Variants in CASD1 observed in about 807,000 individuals in gnomAD.
CASD1 encodes the protein CAS1 domain sialic acid O acetyltransferase 1, also known as N-acetylneuraminate (7)9-O-acetyltransferase.
In CASD1, 41 loss-of-function variants were observed where a neutral mutation model predicts 100.0. That is an observed-to-expected ratio of 0.41 (90% CI 0.32 to 0.53). The LOEUF (loss-of-function observed/expected upper bound fraction) is 0.53, where lower values mean the gene tolerates loss of function less well. Ranked by LOEUF, CASD1 falls within the 20% of genes least tolerant of loss-of-function variation. CASD1 has a pLI of 0.25. For synonymous variants in CASD1, 321 were observed against 315.6 expected, an observed-to-expected ratio of 1.02 and a Z score of -0.18; for missense variants, 774 against 948.7, an observed-to-expected ratio of 0.82 and a Z score of 2.42.
the CASD1 span, chr7:94,588,525 T>C: frequency 6.9e-7 from 1 of 1,454,716 alleles, no homozygotes; most frequent in Non-Finnish European, 9.0e-7. Context: ...ATCTATGTAA[T>C]AATCTAAGCT....
intron 5 of CASD1, among the ~76,000 whole-genome samples, chr7:94,530,037 G>A (rs1056048159): frequency 6.6e-5 from 10 of 152,066 alleles, no homozygotes; most frequent in Admixed American, 1.3e-4. Context: ...ACTGGTTAAC[G>A]TTATAGAGAT....
the CASD1 span, chr7:94,629,381 A>T: frequency 4.4e-6 from 1 of 229,722 alleles, no homozygotes; most frequent in South Asian, 5.9e-5. Flanking sequence ...GTTTTCCAAA[A>T]ATCAATGTAC....
the CASD1 span, among the ~76,000 whole-genome samples, chr7:94,571,411 G>T: frequency 6.6e-6 from 1 of 152,070 alleles, no homozygotes; most frequent in Non-Finnish European, 1.5e-5. Flanking sequence ...GACAGGTTCC[G>T]CACTGCCCCC....
chr7:94,603,880 T>C, the CASD1 span, among the ~76,000 whole-genome samples: 1 of 152,120 alleles, frequency 6.6e-6, no homozygotes, highest in African/African-American at 2.4e-5. Flanking sequence ...TTTCACTTAA[T>C]TTTCTTGTAA....
chr7:94,616,354 C>A, the CASD1 span, among the ~76,000 whole-genome samples: 1 of 152,114 alleles, frequency 6.6e-6, no homozygotes, highest in African/African-American at 2.4e-5. Flanking sequence ...AGATCTTTTT[C>A]TTAAATCTGG....
At chr7:94,555,454 C>T in intron 17 of CASD1, 38 bp from the exon 18 acceptor site, 1 of 1,577,788 alleles carries the variant, frequency 6.3e-7, no homozygotes, top group Non-Finnish European at 8.6e-7. Flanking sequence ...ATTCATGGAC[C>T]CTCTATAAAT....
At chr7:94,548,152 A>T (rs564192908) in intron 13 of CASD1, among the ~76,000 whole-genome samples, 200 of 151,952 alleles carry the variant, frequency 1.3e-3, no homozygotes, top group African/African-American at 4.7e-3. Context: ...TGCTGAGGGA[A>T]AGAAAGAAAA....
rs371566572 is a variant in CASD1, at chr7:94,555,592, T to C, written c.2228T>C (p.Phe743Ser). Residue 743 changes from phenylalanine to serine, a missense_variant, in exon 18 of 18, where the codon TTC becomes TCC. Transcript: ENST00000297273. The stretch of plus-strand genomic sequence containing the variant: ...ATGCTCAACATCATTGTCAGCACTT[T>C]CATATTTGTTTGTGTGGCACATGAA... ...NPMLNIIVST[F>S]IFVCVAHEIS... 1.2e-5 allele frequency: 20 copies of C among 1,613,466 alleles called. No homozygotes were observed. The highest frequency in any genetic ancestry group is 3.3e-5 in the South Asian group (3 of 91,080).
rs887252651 is a variant in CASD1, at chr7:94,555,863, G to A, written c.*105G>A. On this transcript the variant is annotated 3_prime_UTR_variant, in exon 18 of 18. Transcript: ENST00000297273. Reference sequence around the variant, plus strand: ...TATAAATGTGTATGTAAATATAAACGTTTGTGGCAAGAGGACAGTTCTGTG... The same window carrying A: ...TATAAATGTGTATGTAAATATAAACATTTGTGGCAAGAGGACAGTTCTGTG... The A allele has an allele frequency of 2.1e-5, 25 of 1,202,326 alleles. No homozygotes were observed. The highest frequency in any genetic ancestry group is 2.5e-5 in the Non-Finnish European group (22 of 866,078). The allele number at this position is 1,202,326 out of a possible 1,614,324, so 74.5% of individuals were successfully genotyped here.
At chr7:94,513,483 G>A (rs1031202084) in intron 1 of CASD1, among the ~76,000 whole-genome samples, 1 of 151,938 alleles carries the variant, frequency 6.6e-6, no homozygotes, top group African/African-American at 2.4e-5. Flanking sequence ...TGCTTTGCCC[G>A]TTTATACGTC....
At chr7:94,604,228 A>G in the CASD1 span, among the ~76,000 whole-genome samples, 1 of 152,170 alleles carries the variant, frequency 6.6e-6, no homozygotes, top group African/African-American at 2.4e-5. Context: ...TGGCCTTTCA[A>G]AAGAAAAGAG....
At chr7:94,588,057 A>G in the CASD1 span, 1 of 1,349,556 alleles carries the variant, frequency 7.4e-7, no homozygotes, top group Non-Finnish European at 9.5e-7. Flanking sequence ...ACTAATTAGA[A>G]GACAATCATG....
In CASD1 at chr7:94,535,387, C is replaced by T; in HGVS notation, c.707C>T (p.Ala236Val). ...NEKIDAYNEA[A>V]VSILNSSTRN... ...AAGATAGATGCTTACAATGAAGCTG[C>T]AGTCAGTATTTTGAATAGTAGCACC... is the stretch of plus-strand genomic sequence containing the variant. Residue 236 changes from alanine (A) to valine (V), a missense_variant, in exon 8 of 18, where the codon GCA (alanine) becomes GTA (valine). Ala to Val is a moderately conservative substitution (Grantham distance 64, BLOSUM62 0). Transcript: ENST00000297273. 2 of 1,613,258 alleles carry T rather than the reference C, an allele frequency of 1.2e-6. No homozygotes were observed. Among genetic ancestry groups the T allele is most frequent in the African/African-American group, 1.3e-5 (1 of 75,018 alleles).
intron 3 of CASD1, 67 bp downstream of exon 3, chr7:94,518,390 AGT>A (rs1174854306): frequency 7.4e-7 from 1 of 1,360,502 alleles, no homozygotes; most frequent in Non-Finnish European, 9.9e-7. Flanking sequence ...TTACAGGAGG[AGT>A]GTGTCTCTCC....
chr7:94,541,596 A>G (rs1161400059), intron 10 of CASD1, among the ~76,000 whole-genome samples: 1 of 127,122 alleles, frequency 7.9e-6, no homozygotes, highest in Non-Finnish European at 1.6e-5. Flanking sequence ...AGTAACTTCC[A>G]TGGAAAGACC....
At chr7:94,630,884 G>A in the CASD1 span, among the ~76,000 whole-genome samples, 1 of 151,888 alleles carries the variant, frequency 6.6e-6, no homozygotes, top group African/African-American at 2.4e-5. Context: ...GCCTTGGATA[G>A]CAAGATCACT....
chr7:94,599,384 G>C, the CASD1 span: 3 of 331,846 alleles, frequency 9.0e-6, no homozygotes, highest in African/African-American at 6.4e-5. Context: ...TGTATGAAAG[G>C]TCTTTTCATC....
At chr7:94,605,281 A>T in the CASD1 span, among the ~76,000 whole-genome samples, 1 of 151,048 alleles carries the variant, frequency 6.6e-6, no homozygotes, top group Non-Finnish European at 1.5e-5. Context: ...GAAATGTTAA[A>T]ATAACTTCTT....
intron 3 of CASD1, among the ~76,000 whole-genome samples, chr7:94,520,241 TA>T (rs1199442913): frequency 6.6e-6 from 1 of 152,220 alleles, no homozygotes; most frequent in Non-Finnish European, 1.5e-5. Flanking sequence ...TCATCATTAT[TA>T]TTTTTAAATA....
Sources: allele counts gnomAD v4.1 joint callset (sites outside exome capture counted in the v4.1 genomes callset), GRCh38; gene constraint gnomAD v4.1.1; transcripts MANE v1.5; gene names NCBI Gene and HGNC (gene_info 2026-07-23, HGNC 2026-07-21).